EBF3: variants seen among roughly 807,000 people sequenced by gnomAD.
The protein encoded by EBF3 is transcription factor COE3.
In EBF3, 18 loss-of-function variants were observed where a neutral mutation model predicts 77.1. The ratio of observed to expected loss-of-function variants is 0.23; its 90% CI spans 0.16 to 0.35. EBF3 has a LOEUF of 0.35. Among genes scored for constraint, EBF3 ranks in the 10% least tolerant of loss-of-function variants. The pLI is 1.00. For synonymous variants in EBF3, 350 were observed against 343.5 expected (o/e 1.02, Z -0.21); for missense variants, 558 against 860.0 (o/e 0.65, Z 4.39).
At chr10:129,890,917 A>G (rs1338111327) in intron 6 of EBF3, among the ~76,000 whole-genome samples, 1 of 152,214 alleles carries the variant, frequency 6.6e-6, no homozygotes. Flanking sequence ...CTCAATCTGC[A>G]TGGAGAAAGA....
intron 6 of EBF3, among the ~76,000 whole-genome samples, chr10:129,908,705 T>C (rs1044432103): frequency 4.6e-5 from 7 of 152,214 alleles, no homozygotes; most frequent in Non-Finnish European, 8.8e-5. Flanking sequence ...GGGGGAAGCA[T>C]AGAGGAGACA....
intron 6 of EBF3, among the ~76,000 whole-genome samples, chr10:129,906,060 C>A (rs1460283358): frequency 6.6e-6 from 1 of 152,154 alleles, no homozygotes; most frequent in African/African-American, 2.4e-5. Flanking sequence ...CTGGCAAATA[C>A]AAGCAGCATT....
At chr10:129,845,224 T>TTTTG (rs1327264525) in intron 11 of EBF3, 1 of 152,216 alleles carries the variant, frequency 6.6e-6, no homozygotes, top group Non-Finnish European at 1.5e-5. Context: ...AACAAGTTTG[T>TTTTG]TTTGTTACAA....
intron 6 of EBF3, among the ~76,000 whole-genome samples, chr10:129,884,271 A>G (rs1293351865): frequency 6.6e-6 from 1 of 152,178 alleles, no homozygotes; most frequent in Non-Finnish European, 1.5e-5. Flanking sequence ...TGCTTCCCTC[A>G]CAAAACCTGT....
rs1257259248 is a variant in EBF3, at chr10:129,957,181, C to T, written c.554+77G>A. On this transcript the variant is annotated intron_variant, in intron 6 of 16. Transcript: ENST00000440978. ...CGACACCAGCCTCAAAAATATGGAG[C>T]AACTGGAAACCAAGCAAGGCAAAAC... The T allele has an allele frequency of 5.3e-6, 7 of 1,322,522 alleles. No homozygotes were observed. The Admixed American group carries it at 1.4e-4, about 26-fold the overall frequency. The allele number at this position is 1,322,522 out of a possible 1,614,324, so 81.9% of individuals were successfully genotyped here.
rs1858350000 is a variant in EBF3 at position 129,947,924 on chromosome 10, A to C, written c.554+9334T>G. ...ATCGGTGAGCTAAAAAGTCACAAGAAGACATGCAGGAAACTTAAATGCCTA... is the reference window on the plus strand; with the variant it reads ...ATCGGTGAGCTAAAAAGTCACAAGACGACATGCAGGAAACTTAAATGCCTA... On this transcript the variant is annotated intron_variant, in intron 6 of 16. Coordinates refer to ENST00000440978, the MANE Select transcript of EBF3 (RefSeq NM_001375380.1). This position sits in a 1 kb window ranked among gnomAD's most constrained non-coding sequence, Gnocchi z 4.5. Among the ~76,000 whole-genome samples the C allele has an allele frequency of 6.6e-6, 1 of 152,178 alleles. No individual in the cohort carries two copies. Among genetic ancestry groups the C allele is most frequent in the Non-Finnish European group, 1.5e-5 (1 of 68,038 alleles).
intron 12 of EBF3, 45 bp downstream of exon 12, chr10:129,843,092 T>C: frequency 6.5e-7 from 1 of 1,540,748 alleles, no homozygotes; most frequent in Non-Finnish European, 8.8e-7. Context: ...CCACGGGTTC[T>C]GGCATGGGGG....
chr10:129,890,670 T>C (rs1205147142), intron 6 of EBF3, among the ~76,000 whole-genome samples: 1 of 152,250 alleles, frequency 6.6e-6, no homozygotes, highest in African/African-American at 2.4e-5. Flanking sequence ...CCTAACAATA[T>C]TTAAATTGCT....
chr10:129,908,624 C>T (rs370080027), intron 6 of EBF3, among the ~76,000 whole-genome samples: 3 of 152,254 alleles, frequency 2.0e-5, no homozygotes, highest in Non-Finnish European at 2.9e-5. Flanking sequence ...GCGCAGCCAC[C>T]GCCGCTGGCC....
At chr10:129,912,232 C>T (rs554169056) in intron 6 of EBF3, among the ~76,000 whole-genome samples, 7 of 152,258 alleles carry the variant, frequency 4.6e-5, no homozygotes, top group South Asian at 2.1e-4. Flanking sequence ...AGCTGGACCC[C>T]GGAACCCTAG....
intron 6 of EBF3, among the ~76,000 whole-genome samples, chr10:129,888,872 G>A (rs1185384315): frequency 6.6e-6 from 1 of 152,106 alleles, no homozygotes; most frequent in Non-Finnish European, 1.5e-5. Flanking sequence ...TTATGATTCT[G>A]CAATTACAAA....
chr10:129,946,042 C>T (rs1266512736), intron 6 of EBF3, among the ~76,000 whole-genome samples: 1 of 151,878 alleles, frequency 6.6e-6, no homozygotes, highest in African/African-American at 2.4e-5. Flanking sequence ...CTGTTCCTGG[C>T]TCTGATTTGT....
intron 6 of EBF3, among the ~76,000 whole-genome samples, chr10:129,954,182 C>A (rs1056705974): frequency 1.3e-5 from 2 of 152,116 alleles, no homozygotes; most frequent in African/African-American, 4.8e-5. Context: ...ACCATAGATA[C>A]TTTTTTCCTG....
chr10:129,962,895 GGA>G, intron 3 of EBF3, 45 bp downstream of exon 3: 1 of 1,608,904 alleles, frequency 6.2e-7, no homozygotes, highest in Non-Finnish European at 8.5e-7. Context: ...GCGCAGAAAA[GGA>G]GAGCCAGCCG....
At position 129,957,275 on chromosome 10, in the gene EBF3, G is replaced by A; in HGVS notation, c.537C>T (p.Asp179=). The change falls in exon 6 of 17, where the codon GAC becomes GAT. Residue 179 remains aspartate (D), a synonymous_variant. Transcript: ENST00000440978. ...ATCCTTACCTGTCAATGATTACAGG[G>A]TCTGAGGGCGTTTCGTTTCTATTGC... ...SCGNRNETPS[D]PVIIDRFFLK... 2 of 1,611,046 alleles carry A rather than the reference G, an allele frequency of 1.2e-6. No homozygotes were observed. The highest frequency in any genetic ancestry group is 1.7e-6 in the Non-Finnish European group (2 of 1,177,932).
Position 129,837,157 on chromosome 10 carries a change from A to G in EBF3, c.*786T>C, listed in dbSNP as rs891729880. 1.3e-5 allele frequency: 2 copies of G among 152,688 alleles called. No homozygotes were observed. Among genetic ancestry groups the G allele is most frequent in the African/African-American group, 4.8e-5 (2 of 41,462 alleles). 9.5% of individuals were successfully genotyped at this position (152,688 alleles called of 1,614,324 possible). On this transcript the variant is annotated 3_prime_UTR_variant, in exon 17 of 17. Coordinates refer to ENST00000440978, the MANE Select transcript of EBF3 (RefSeq NM_001375380.1). ...TAAGAATGCAATAGTATACAGTGCT[A>G]GCAAAAGTTGAAAAAATGTTGCAGA... is the stretch of plus-strand genomic sequence containing the variant.
Position 129,962,950 on chromosome 10 carries a change from T to G in EBF3, c.347A>C (p.Tyr116Ser). Residue 116 changes from tyrosine to serine, a missense_variant, in exon 3 of 17, where the codon TAC (tyrosine) becomes TCC (serine). Around this residue, in one of 5 missense-constraint regions of EBF3, gnomAD observed 84 missense variants for 142.3 expected, o/e 0.59. Coordinates refer to ENST00000440978, the MANE Select transcript of EBF3 (RefSeq NM_001375380.1). ...ACGCAGCAGGCACTTACCGTTGCTG[T>G]ACAATAACTGGAGTTTATAGTGGAT... The part of the protein sequence containing the change: ...NGIHYKLQLL[Y>S]SNGVRTEQDL... 6.2e-7 allele frequency: 1 copy of G among 1,614,128 alleles called. No homozygotes were observed. Among genetic ancestry groups the G allele is most frequent in the Non-Finnish European group, 8.5e-7 (1 of 1,179,998 alleles).
intron 6 of EBF3, among the ~76,000 whole-genome samples, chr10:129,945,838 A>AT (rs1419090731): frequency 1.3e-5 from 2 of 152,178 alleles, no homozygotes; most frequent in African/African-American, 4.8e-5. Flanking sequence ...ATTTTCGCCT[A>AT]AACAAGCCTT....
At chr10:129,931,192 A>T (rs1328013155) in intron 6 of EBF3, among the ~76,000 whole-genome samples, 1 of 152,190 alleles carries the variant, frequency 6.6e-6, no homozygotes, top group Non-Finnish European at 1.5e-5. Context: ...TCTGACTAAT[A>T]CCTATGGGTT....
Sources: gnomAD v4.1 joint callset for allele counts (sites outside exome capture counted in the v4.1 genomes callset) on GRCh38, gnomAD v4.1.1 for gene constraint, gnomAD v4.1.1 regional missense constraint, Gnocchi (gnomAD v3.1) non-coding constraint, MANE v1.5 for transcripts, NCBI Gene and HGNC (gene_info 2026-07-23, HGNC 2026-07-21) for gene names.